The following ZFP64 variants were observed in gnomAD, a reference collection of about 807,000 sequenced individuals.
ZFP64 encodes the protein ZFP64 zinc finger protein.
ZFP64 carries 14 observed loss-of-function variants against 51.6 expected under a neutral mutation model. The ratio of observed to expected loss-of-function variants is 0.27; its 90% CI spans 0.18 to 0.42. The LOEUF is 0.42. ZFP64 is among the 10% of genes least tolerant of loss of function. ZFP64 has a pLI of 1.00. For missense variants in ZFP64, 754 were observed against 906.8 expected (o/e 0.83, Z 2.16); for synonymous variants, 375 against 361.4 (o/e 1.04, Z -0.43).
At chr20:52,126,515 TAC>T (rs1342828962) in intron 5 of ZFP64, among the ~76,000 whole-genome samples, 1 of 152,258 alleles carries the variant, frequency 6.6e-6, no homozygotes, top group Non-Finnish European at 1.5e-5. Context: ...CTATGCTTTC[TAC>T]ACCAGACTAG....
At chr20:52,104,816 C>A (rs757295022) in intron 5 of ZFP64, 1 of 614,012 alleles carries the variant, frequency 1.6e-6, no homozygotes, top group Non-Finnish European at 3.1e-6. Context: ...GACTCGGGTG[C>A]CCGCGCATCC....
At chr20:52,166,889 T>C (rs1982319341) in intron 2 of ZFP64, among the ~76,000 whole-genome samples, 1 of 152,138 alleles carries the variant, frequency 6.6e-6, no homozygotes, top group South Asian at 2.1e-4. Flanking sequence ...AAAGGAACGA[T>C]AGAAGGGATT....
intron 2 of ZFP64, among the ~76,000 whole-genome samples, chr20:52,182,815 G>A (rs1391398914): frequency 1.3e-5 from 2 of 152,208 alleles, no homozygotes; most frequent in African/African-American, 2.4e-5. Context: ...CATATGAGAT[G>A]TGAGCAGTGT....
rs962829425 is a variant in ZFP64, at chr20:52,191,299, G to A, written c.46+292C>T. On this transcript the variant is annotated intron_variant, in intron 1 of 5. Transcript: ENST00000216923. This position sits in a 1 kb window ranked among gnomAD's most constrained non-coding sequence, Gnocchi z 4.3. ...CCTGATGGGGCGGGAATGCCCTTAG[G>A]GGGTGGCGATTGTCTGAACGGCGTG... is the stretch of plus-strand genomic sequence containing the variant. Among the ~76,000 whole-genome samples the A allele has an allele frequency of 6.6e-6, 1 of 152,162 alleles. No individual in the cohort carries two copies. The highest frequency in any genetic ancestry group is 2.4e-5 in the African/African-American group (1 of 41,452).
At chr20:52,131,776 G>A (rs1367459684) in intron 5 of ZFP64, among the ~76,000 whole-genome samples, 1 of 152,122 alleles carries the variant, frequency 6.6e-6, no homozygotes, top group Non-Finnish European at 1.5e-5. Context: ...AATAGCTGGA[G>A]ACTTCAACAC....
chr20:52,127,785 A>C (rs1459744042), intron 5 of ZFP64, among the ~76,000 whole-genome samples: 1 of 152,220 alleles, frequency 6.6e-6, no homozygotes, highest in Non-Finnish European at 1.5e-5. Flanking sequence ...ACTTTAAAGC[A>C]GTATTGTAGT....
At chr20:52,120,413 A>G (rs1697724883) in intron 5 of ZFP64, among the ~76,000 whole-genome samples, 1 of 152,144 alleles carries the variant, frequency 6.6e-6, no homozygotes, top group Admixed American at 6.6e-5. Context: ...GGTAATGACT[A>G]TGAGGATGGA....
In ZFP64 at chr20:52,191,578, GA is replaced by G; in HGVS notation, c.46+12del. On this transcript the variant is annotated intron_variant, in intron 1 of 5. Transcript: ENST00000216923. This position sits in a 1 kb window ranked among gnomAD's most constrained non-coding sequence, Gnocchi z 4.3. ...GGCCCCGGAGCGCGCACTGCTCCCGGAAAAGCACTTACTTTGCACCGAGCCC... is the reference window on the plus strand; with the variant it reads ...GGCCCCGGAGCGCGCACTGCTCCCGGAAAGCACTTACTTTGCACCGAGCCC... 1 of 1,575,642 alleles carries G rather than the reference GA, an allele frequency of 6.3e-7. No homozygotes were observed. Among genetic ancestry groups the G allele is most frequent in the Non-Finnish European group, 8.6e-7 (1 of 1,164,894 alleles).
In ZFP64 at chr20:52,166,039, T is replaced by C; in HGVS notation, c.287-14A>G. On this transcript the variant is annotated splice_polypyrimidine_tract_variant and intron_variant, in intron 2 of 5. Coordinates refer to ENST00000216923, the MANE Select transcript of ZFP64 (RefSeq NM_018197.3). ...CTGGAGCTGAAACTAAAAGATATGG[T>C]GATTATTAATTTTCTTAATATAAAT... 6.3e-7 allele frequency: 1 copy of C among 1,597,018 alleles called. No individual in the cohort carries two copies. The highest frequency in any genetic ancestry group is 1.4e-5 in the African/African-American group (1 of 73,448).
chr20:52,098,987 G>A (rs1172827380), intron 5 of ZFP64, among the ~76,000 whole-genome samples: 1 of 136,438 alleles, frequency 7.3e-6, no homozygotes, highest in Non-Finnish European at 1.5e-5. Context: ...GGGCAACAGA[G>A]CAAGACTCTG....
intron 2 of ZFP64, among the ~76,000 whole-genome samples, chr20:52,186,590 CTCT>C (rs1983981337): frequency 1.3e-5 from 2 of 150,606 alleles, no homozygotes; most frequent in South Asian, 4.2e-4. Context: ...TTTCAGAAAT[CTCT>C]TTTTTGTCTG....
chr20:52,099,428 T>C (rs1045601839), intron 5 of ZFP64, among the ~76,000 whole-genome samples: 1 of 152,142 alleles, frequency 6.6e-6, no homozygotes, highest in African/African-American at 2.4e-5. Flanking sequence ...AAAACAGTTG[T>C]TTCAACAAAT....
intron 5 of ZFP64, among the ~76,000 whole-genome samples, chr20:52,143,377 A>T (rs1224811836): frequency 7.0e-6 from 1 of 143,298 alleles, no homozygotes; most frequent in Non-Finnish European, 1.6e-5. Context: ...AAAGAAGGGC[A>T]TGTCATATAA....
At chr20:52,121,570 G>A in intron 5 of ZFP64, among the ~76,000 whole-genome samples, 1 of 152,218 alleles carries the variant, frequency 6.6e-6, no homozygotes, top group African/African-American at 2.4e-5. Context: ...GAGAAAAGTT[G>A]GAAGGTAAGA....
intron 5 of ZFP64, among the ~76,000 whole-genome samples, chr20:52,144,602 A>G (rs1270201278): frequency 6.9e-6 from 1 of 145,226 alleles, no homozygotes; most frequent in East Asian, 2.0e-4. Context: ...AAAAAAAAAA[A>G]TGCTGAAAGC....
intron 5 of ZFP64, among the ~76,000 whole-genome samples, chr20:52,157,399 C>A (rs1220344971): frequency 2.0e-5 from 3 of 152,170 alleles, no homozygotes; most frequent in Non-Finnish European, 4.4e-5. Context: ...CTTACTAAAA[C>A]AAAAGGTAAA....
At chr20:52,116,178 C>T (rs1978860497) in intron 5 of ZFP64, among the ~76,000 whole-genome samples, 1 of 151,650 alleles carries the variant, frequency 6.6e-6, no homozygotes, top group African/African-American at 2.4e-5. Context: ...CTCTGTCACC[C>T]AGGCTGGAGT....
intron 5 of ZFP64, among the ~76,000 whole-genome samples, chr20:52,101,252 C>T (rs937027201): frequency 1.3e-5 from 2 of 152,168 alleles, no homozygotes; most frequent in Non-Finnish European, 2.9e-5. Context: ...CTATCTGTGT[C>T]ACAATCACCT....
At chr20:52,088,974 C>T (rs769514839) in intron 7 of ZFP64, 20 of 540,718 alleles carry the variant, frequency 3.7e-5, no homozygotes, top group Non-Finnish European at 3.6e-6. Flanking sequence ...GCTTCATGAA[C>T]CACATGGAGA....
Sources: gnomAD v4.1 joint callset for allele counts (sites outside exome capture counted in the v4.1 genomes callset) on GRCh38, gnomAD v4.1.1 for gene constraint, Gnocchi (gnomAD v3.1) non-coding constraint, MANE v1.5 for transcripts, NCBI Gene and HGNC (gene_info 2026-07-23, HGNC 2026-07-21) for gene names.